Variants in SYTL3 observed in about 807,000 individuals in gnomAD.
The protein encoded by SYTL3 is synaptotagmin-like protein 3.
A neutral mutation model predicts 82.1 loss-of-function variants in SYTL3; 88 were observed. The ratio of observed to expected loss-of-function variants is 1.07; its 90% CI spans 0.90 to 1.28. SYTL3 has a LOEUF of 1.28. Ranked by LOEUF, SYTL3 falls within the 50% of genes most tolerant of loss-of-function variation. The pLI, the probability that SYTL3 is intolerant of heterozygous loss-of-function variation, is 0.00. For synonymous variants in SYTL3, 311 were observed against 289.4 expected (o/e 1.07, Z -0.76); for missense variants, 831 against 757.6 (o/e 1.10, Z -1.14).
chr6:158,659,040 G>A (rs1281022110), intron 2 of SYTL3, among the ~76,000 whole-genome samples: 2 of 152,210 alleles, frequency 1.3e-5, no homozygotes, highest in African/African-American at 4.8e-5. Context: ...GTGCTTGAGT[G>A]ACATGGTTTA....
upstream of SYTL3, among the ~76,000 whole-genome samples, chr6:158,648,601 A>ATAAT (rs201619483): frequency 4.3e-5 from 6 of 138,130 alleles, no homozygotes; most frequent in African/African-American, 1.6e-4. Context: ...AAAAAAAAAA[A>ATAAT]AAAAAAAATA....
intron 6 of SYTL3, among the ~76,000 whole-genome samples, chr6:158,701,550 G>A (rs570450280): frequency 6.7e-6 from 1 of 150,170 alleles, no homozygotes; most frequent in Non-Finnish European, 1.5e-5. Flanking sequence ...GCTGTTCTGG[G>A]GGGGAGGAGG....
intron 11 of SYTL3, among the ~76,000 whole-genome samples, chr6:158,733,309 C>T (rs183792801): frequency 9.8e-4 from 149 of 152,152 alleles, no homozygotes; most frequent in African/African-American, 3.3e-3. Flanking sequence ...TTCCTTTATT[C>T]TCTATTGTCT....
At position 158,763,479 on chromosome 6, in the gene SYTL3, C is replaced by T. The variant is rs201413727; in HGVS notation, c.1693C>T (p.Arg565Cys). ...WDQALFGMND[R>C]LLGGTRLGSK... ...TCAGGCCCTCTTTGGAATGAACGAC[C>T]GCTTGCTTGGAGGAACCAGACTTGG... The change falls in exon 17 of 18, where the codon CGC becomes TGC. Residue 565 changes from arginine (R) to cysteine (C), a missense_variant. By Grantham distance (180) the Arg-to-Cys change is radical (BLOSUM62 -3). Coordinates refer to ENST00000611299, the MANE Select transcript of SYTL3 (RefSeq NM_001242394.2). The T allele has an allele frequency of 7.5e-5, 121 of 1,614,022 alleles. No homozygotes were observed. Among genetic ancestry groups the T allele is most frequent in the South Asian group, 1.1e-4 (10 of 91,084 alleles).
chr6:158,764,645 C>T lies in SYTL3; in HGVS notation c.*41C>T, dbSNP rs770826264. On this transcript the variant is annotated 3_prime_UTR_variant, in exon 18 of 18. Transcript: ENST00000611299. ...GTTCCAGGTTGCAGCAGGCGTGAGGCACTGTGCGTCTGCAGAGGGGCTACG... is the reference window on the plus strand; with the variant it reads ...GTTCCAGGTTGCAGCAGGCGTGAGGTACTGTGCGTCTGCAGAGGGGCTACG... 1 of 1,433,752 alleles carries T rather than the reference C, an allele frequency of 7.0e-7. No homozygotes were observed. The highest frequency in any genetic ancestry group is 1.1e-5 in the South Asian group (1 of 87,408). The allele number at this position is 1,433,752 out of a possible 1,614,324, so 88.8% of individuals were successfully genotyped here. A position where few individuals can be genotyped will look rare whatever the true frequency, so the allele number is the denominator to read the frequency against.
chr6:158,689,028 A>G (rs901341612), intron 6 of SYTL3, among the ~76,000 whole-genome samples: 2 of 152,238 alleles, frequency 1.3e-5, no homozygotes, highest in African/African-American at 4.8e-5. Flanking sequence ...TGATGAGTGT[A>G]TCTCACCCCG....
intron 9 of SYTL3, among the ~76,000 whole-genome samples, chr6:158,714,831 G>A (rs13214253): frequency 0.3 from 45,737 of 152,024 alleles, 7,220 homozygotes; most frequent in African/African-American, 0.34. Flanking sequence ...GTCTCTTTAT[G>A]TGACTTTAAT....
chr6:158,659,046 G>T (rs560346975), intron 2 of SYTL3, among the ~76,000 whole-genome samples: 2 of 152,200 alleles, frequency 1.3e-5, no homozygotes, highest in Non-Finnish European at 2.9e-5. Flanking sequence ...GAGTGACATG[G>T]TTTATAGAAG....
intron 6 of SYTL3, among the ~76,000 whole-genome samples, chr6:158,701,858 C>A (rs954367821): frequency 5.9e-5 from 9 of 151,970 alleles, no homozygotes; most frequent in African/African-American, 2.2e-4. Flanking sequence ...CGCTGCCTCC[C>A]TCTTCCTGCT....
upstream of SYTL3, among the ~76,000 whole-genome samples, chr6:158,646,041 C>T (rs917031261): frequency 6.6e-6 from 1 of 152,202 alleles, no homozygotes; most frequent in Non-Finnish European, 1.5e-5. Flanking sequence ...AACTAAGTAC[C>T]ATGCAGGAAG....
intron 5 of SYTL3, among the ~76,000 whole-genome samples, chr6:158,672,882 G>A (rs1203880490): frequency 1.3e-5 from 2 of 152,010 alleles, no homozygotes; most frequent in East Asian, 1.9e-4. Flanking sequence ...TGATCTGCCC[G>A]TCTCGGCCTC....
upstream of SYTL3, among the ~76,000 whole-genome samples, chr6:158,649,065 A>C (rs1186706230): frequency 6.6e-6 from 1 of 152,210 alleles, no homozygotes; most frequent in Non-Finnish European, 1.5e-5. Context: ...CCTCATCCCC[A>C]AGATCCAATA....
At chr6:158,670,092 G>A (rs1777193874) in intron 5 of SYTL3, among the ~76,000 whole-genome samples, 1 of 152,202 alleles carries the variant, frequency 6.6e-6, no homozygotes. Context: ...CATTTCAAAG[G>A]AAGTTCTATT....
chr6:158,686,667 A>C (rs1380870178), intron 6 of SYTL3, among the ~76,000 whole-genome samples: 3 of 152,240 alleles, frequency 2.0e-5, no homozygotes, highest in Admixed American at 2.0e-4. Context: ...GTGCTGCAGC[A>C]GTTAAGATCC....
intron 11 of SYTL3, among the ~76,000 whole-genome samples, chr6:158,744,067 C>T (rs7763833): frequency 0.48 from 72,301 of 151,430 alleles, 17,885 homozygotes; most frequent in African/African-American, 0.51. Context: ...TACAGGTACG[C>T]GCCACTTGCC....
Position 158,665,525 on chromosome 6 carries a change from C to T in SYTL3, c.241C>T (p.Arg81Trp), listed in dbSNP as rs150257129. 2,236 of 1,591,934 alleles carry T rather than the reference C, an allele frequency of 1.4e-3. 1 individual carries two copies. The highest frequency in any genetic ancestry group is 1.8e-3 in the Non-Finnish European group (2,121 of 1,170,026). ...CCTGCTGCACCGGGGCGCCGTGTGC[C>T]GGGGCTGCAGCCACCGCGTGTGTGC... ...GFLLHRGAVC[R>W]GCSHRVCAQC... Residue 81 changes from arginine (R) to tryptophan (W), a missense_variant, in exon 5 of 18, where the codon CGG (arginine) becomes TGG (tryptophan). Physicochemically the swap from Arg to Trp is moderately radical, Grantham distance 101. Transcript: ENST00000611299.
chr6:158,684,810 T>TA (rs370131896), intron 6 of SYTL3, among the ~76,000 whole-genome samples: 3,763 of 125,450 alleles, frequency 0.03, 59 homozygotes, highest in African/African-American at 0.054. Context: ...TGGCTCTTCT[T>TA]AAAAAAAAAA....
chr6:158,698,028 T>G (rs936112881), intron 6 of SYTL3, among the ~76,000 whole-genome samples: 1 of 152,218 alleles, frequency 6.6e-6, no homozygotes, highest in African/African-American at 2.4e-5. Flanking sequence ...GCTCTGTGTC[T>G]TCTTTCATCC....
chr6:158,668,417 C>T (rs1394708007), intron 5 of SYTL3, among the ~76,000 whole-genome samples: 1 of 152,128 alleles, frequency 6.6e-6, no homozygotes, highest in Admixed American at 6.5e-5. Context: ...TTAGCAGAGA[C>T]GGGGTTTCAC....
Sources: gnomAD v4.1 joint callset for allele counts (sites outside exome capture counted in the v4.1 genomes callset) on GRCh38, gnomAD v4.1.1 for gene constraint, MANE v1.5 for transcripts, NCBI Gene and HGNC (gene_info 2026-07-23, HGNC 2026-07-21) for gene names.